The following SLC24A3 variants were observed in gnomAD, a reference collection of about 807,000 sequenced individuals.
SLC24A3 encodes solute carrier family 24 member 3.
Under a neutral mutation model 75.8 loss-of-function variants are expected in SLC24A3, and 28 were observed. The observed-to-expected ratio is 0.37, with a 90% CI of 0.27 to 0.51. The LOEUF is 0.51. Ranked by LOEUF, SLC24A3 falls within the 20% of genes least tolerant of loss-of-function variation. The pLI, the probability that SLC24A3 is intolerant of heterozygous loss-of-function variation, is 0.94. For synonymous variants in SLC24A3, 372 were observed against 334.1 expected (o/e 1.11, Z -1.24); for missense variants, 663 against 847.8 (o/e 0.78, Z 2.71).
At chr20:19,680,815 T>A (rs534522564) in intron 9 of SLC24A3, among the ~76,000 whole-genome samples, 7 of 152,188 alleles carry the variant, frequency 4.6e-5, no homozygotes, top group African/African-American at 1.7e-4. Context: ...TGGGAGGGAA[T>A]CCAGAGAGCT....
chr20:19,674,334 C>T (rs193262804), intron 9 of SLC24A3, among the ~76,000 whole-genome samples: 1 of 152,312 alleles, frequency 6.6e-6, no homozygotes, highest in Admixed American at 6.5e-5. Flanking sequence ...GTTAGGAACC[C>T]AGGAGCAGCT....
chr20:19,511,306 TAGG>T (rs1362486893), intron 2 of SLC24A3, among the ~76,000 whole-genome samples: 1 of 151,152 alleles, frequency 6.6e-6, no homozygotes, highest in Non-Finnish European at 1.5e-5. Context: ...TCTCACAGGG[TAGG>T]AGAAGAGGGC....
At chr20:19,613,770 T>C (rs977673273) in intron 6 of SLC24A3, among the ~76,000 whole-genome samples, 1 of 152,182 alleles carries the variant, frequency 6.6e-6, no homozygotes, top group Non-Finnish European at 1.5e-5. Context: ...TGCCCACCTC[T>C]TCCCCATCAC....
At chr20:19,514,124 G>A (rs1185896339) in intron 2 of SLC24A3, among the ~76,000 whole-genome samples, 1 of 152,206 alleles carries the variant, frequency 6.6e-6, no homozygotes, top group Non-Finnish European at 1.5e-5. Context: ...AGAGAGCAGA[G>A]CCTTTTCAAG....
At chr20:19,249,141 A>G (rs1982577901) in intron 1 of SLC24A3, among the ~76,000 whole-genome samples, 1 of 152,144 alleles carries the variant, frequency 6.6e-6, no homozygotes, top group Non-Finnish European at 1.5e-5. Flanking sequence ...TATCTCACAA[A>G]TAGATCCAAT....
intron 2 of SLC24A3, among the ~76,000 whole-genome samples, chr20:19,356,074 T>C (rs1414438777): frequency 1.3e-5 from 2 of 152,192 alleles, no homozygotes; most frequent in Admixed American, 1.3e-4. Flanking sequence ...ACCTGCCAGG[T>C]ATTCTCACTG....
At chr20:19,650,577 A>G (rs725862) in intron 6 of SLC24A3, among the ~76,000 whole-genome samples, 98,099 of 151,972 alleles carry the variant, frequency 0.65, 32,554 homozygotes, top group African/African-American at 0.77. Flanking sequence ...TGATTTTTTC[A>G]GTTACCGGCA....
intron 2 of SLC24A3, among the ~76,000 whole-genome samples, chr20:19,377,476 G>A (rs998245297): frequency 2.6e-5 from 4 of 152,182 alleles, no homozygotes; most frequent in Non-Finnish European, 5.9e-5. Context: ...TTATTTTGGT[G>A]ACGTTCTAGA....
intron 6 of SLC24A3, among the ~76,000 whole-genome samples, chr20:19,602,633 A>G (rs971473845): frequency 6.6e-6 from 1 of 152,216 alleles, no homozygotes; most frequent in Non-Finnish European, 1.5e-5. Context: ...TTACCAAAAG[A>G]CATACACATC....
At chr20:19,520,145 T>G (rs1230924421) in intron 3 of SLC24A3, among the ~76,000 whole-genome samples, 1 of 152,212 alleles carries the variant, frequency 6.6e-6, no homozygotes, top group Non-Finnish European at 1.5e-5. Flanking sequence ...GGCAAGCTCT[T>G]GTTAAGTGAG....
intron 2 of SLC24A3, among the ~76,000 whole-genome samples, chr20:19,308,998 T>C (rs1984394635): frequency 6.6e-6 from 1 of 152,210 alleles, no homozygotes; most frequent in Non-Finnish European, 1.5e-5. Flanking sequence ...GGATTGGACA[T>C]TCTAGTGATA....
chr20:19,711,821 G>A lies in SLC24A3; in HGVS notation c.1720-5707G>A, dbSNP rs987734701. On this transcript the variant is annotated intron_variant, in intron 15 of 16. Coordinates refer to ENST00000328041, the MANE Select transcript of SLC24A3 (RefSeq NM_020689.4). ...TGCCCAGCTAATTTTTGTGTTTTGAGTAGAGACAGGTTTTCACCATGTTGG... is the reference window on the plus strand; with the variant it reads ...TGCCCAGCTAATTTTTGTGTTTTGAATAGAGACAGGTTTTCACCATGTTGG... Among the ~76,000 whole-genome samples, 4 of 152,302 alleles carry A rather than the reference G, an allele frequency of 2.6e-5. No homozygotes were observed. In the East Asian group the frequency reaches 7.7e-4, roughly 29 times the overall value.
Position 19,217,210 on chromosome 20 carries a change from G to A in SLC24A3, c.142+4226G>A, listed in dbSNP as rs143128505. Reference sequence around the variant, plus strand: ...GCTATTTTCTGTTAGTCAAAGCAGCGTTAGATGTCAGCCCACGTTGAAGGA... The same window carrying A: ...GCTATTTTCTGTTAGTCAAAGCAGCATTAGATGTCAGCCCACGTTGAAGGA... On this transcript the variant is annotated intron_variant, in intron 1 of 16. Coordinates refer to ENST00000328041, the MANE Select transcript of SLC24A3 (RefSeq NM_020689.4). Among the ~76,000 whole-genome samples, 39 of 152,340 alleles carry A rather than the reference G, an allele frequency of 2.6e-4. No homozygotes were observed. The South Asian group carries it at 6.6e-3, about 26-fold the overall frequency.
chr20:19,552,100 G>A (rs1009086717), intron 3 of SLC24A3, among the ~76,000 whole-genome samples: 6 of 152,096 alleles, frequency 3.9e-5, no homozygotes, highest in Non-Finnish European at 8.8e-5. Flanking sequence ...CTTTTTCCCC[G>A]TCTTTGAATC....
chr20:19,371,497 C>G (rs1200489421), intron 2 of SLC24A3, among the ~76,000 whole-genome samples: 2 of 152,152 alleles, frequency 1.3e-5, no homozygotes, highest in Non-Finnish European at 2.9e-5. Flanking sequence ...ATCACACTGC[C>G]TGGGAACCAG....
chr20:19,422,630 C>T (rs749460347), intron 2 of SLC24A3, among the ~76,000 whole-genome samples: 2 of 152,162 alleles, frequency 1.3e-5, no homozygotes, highest in Non-Finnish European at 2.9e-5. Flanking sequence ...CTGTTCCTTC[C>T]GCAGAGTGAG....
chr20:19,443,560 G>A (rs952209073), intron 2 of SLC24A3, among the ~76,000 whole-genome samples: 1 of 152,022 alleles, frequency 6.6e-6, no homozygotes, highest in Non-Finnish European at 1.5e-5. Context: ...TCAGGAGTTT[G>A]TTGTTGTTGT....
rs144638353 is a variant in SLC24A3 at position 19,332,313 on chromosome 20, C to T, written c.271+51226C>T. Among the ~76,000 whole-genome samples, 4 of 152,234 alleles carry T rather than the reference C, an allele frequency of 2.6e-5. No individual in the cohort carries two copies. The East Asian group carries it at 7.8e-4, about 30-fold the overall frequency. ...GCTGTGGCCTCTCTGGGGACACAGCCACCCCCTCAACAGGGAGCAAGGCAG... is the reference window on the plus strand; with the variant it reads ...GCTGTGGCCTCTCTGGGGACACAGCTACCCCCTCAACAGGGAGCAAGGCAG... On this transcript the variant is annotated intron_variant, in intron 2 of 16. Transcript: ENST00000328041.
intron 7 of SLC24A3, among the ~76,000 whole-genome samples, chr20:19,659,008 TC>T (rs1221700833): frequency 1.3e-5 from 2 of 152,238 alleles, no homozygotes; most frequent in Non-Finnish European, 2.9e-5. Context: ...ACATAGGCAG[TC>T]TAGCAGCTGC....
Sources: gnomAD v4.1 joint callset for allele counts (sites outside exome capture counted in the v4.1 genomes callset) on GRCh38, gnomAD v4.1.1 for gene constraint, MANE v1.5 for transcripts, NCBI Gene and HGNC (gene_info 2026-07-23, HGNC 2026-07-21) for gene names.